The following UVSSA variants were observed in gnomAD, a reference collection of about 807,000 sequenced individuals.
UVSSA encodes the protein UV-stimulated scaffold protein A.
A neutral mutation model predicts 73.9 loss-of-function variants in UVSSA; 72 were observed. That is an observed-to-expected ratio of 0.97 (90% confidence interval 0.81 to 1.19). UVSSA has a LOEUF of 1.19. UVSSA is among the 50% of genes most tolerant of loss of function. The probability of loss-of-function intolerance (pLI) is 0.00; values close to 1 mark genes in which losing one functional copy is unlikely to be tolerated. For missense variants in UVSSA, 1,150 were observed against 965.0 expected, an observed-to-expected ratio of 1.19 and a Z score of -2.54; for synonymous variants, 454 against 391.3, an observed-to-expected ratio of 1.16 and a Z score of -1.89.
chr4:1,355,493 G>C (rs980762346), intron 7 of UVSSA, among the ~76,000 whole-genome samples: 1 of 152,242 alleles, frequency 6.6e-6, no homozygotes, highest in Non-Finnish European at 1.5e-5. Flanking sequence ...CTGAGCAGAA[G>C]TGCTGAGTGC....
Position 1,351,796 on chromosome 4 carries a change from T to G in UVSSA, c.511T>G (p.Tyr171Asp). The change falls in exon 4 of 14, where the codon TAT becomes GAT. Residue 171 changes from tyrosine (Y) to aspartate (D), a missense_variant. By Grantham distance (160) the Tyr-to-Asp change is radical (BLOSUM62 -3). Transcript: ENST00000389851. The stretch of plus-strand genomic sequence containing the variant: ...GAAGCAGAAGCACTTGGATAAAATT[T>G]ATCAAGAAAGAGCCAGCCAGGCGGA... ...EEKQKHLDKI[Y>D]QERASQAERE... 1.2e-6 allele frequency: 2 copies of G among 1,613,664 alleles called. No individual in the cohort carries two copies. The highest frequency in any genetic ancestry group is 1.7e-6 in the Non-Finnish European group (2 of 1,179,856).
upstream of UVSSA, among the ~76,000 whole-genome samples, chr4:1,342,983 C>T (rs1049163221): frequency 3.3e-5 from 5 of 152,062 alleles, no homozygotes; most frequent in Non-Finnish European, 7.4e-5. Context: ...TGCATTTCCA[C>T]GCACGTTGTA....
chr4:1,355,545 C>T (rs543217553), intron 7 of UVSSA, among the ~76,000 whole-genome samples: 1 of 152,216 alleles, frequency 6.6e-6, no homozygotes, highest in South Asian at 2.1e-4. Context: ...CTGTCCCCCC[C>T]GTGACTCCTT....
chr4:1,379,689 C>T (rs899079549), intron 10 of UVSSA, among the ~76,000 whole-genome samples: 4 of 152,226 alleles, frequency 2.6e-5, no homozygotes, highest in African/African-American at 2.4e-5. Context: ...CAGCAGCTGT[C>T]GCCCTTGTCC....
chr4:1,381,082 C>T (rs972820001), intron 12 of UVSSA, 94 bp downstream of exon 12: 122 of 1,176,258 alleles, frequency 1.0e-4, no homozygotes, highest in Non-Finnish European at 1.3e-4. Context: ...ACAGAGCACC[C>T]GCTCTGCCAG....
At position 1,347,673 on chromosome 4, in the gene UVSSA, C is replaced by A; in HGVS notation, c.-90C>A. ...TGCCTCCGTTAGGGCCGCCCCTGCT[C>A]TCCGGACGCGACTTTTCATTGGTCT... is the stretch of plus-strand genomic sequence containing the variant. On this transcript the variant is annotated 5_prime_UTR_variant, in exon 1 of 14. Coordinates refer to ENST00000389851, the MANE Select transcript of UVSSA (RefSeq NM_020894.4). The A allele has an allele frequency of 6.0e-6, 1 of 166,120 alleles. No individual in the cohort carries two copies. The highest frequency in any genetic ancestry group is 1.3e-5 in the Non-Finnish European group (1 of 75,898). 10.3% of individuals were successfully genotyped at this position (166,120 alleles called of 1,614,324 possible). A position where few individuals can be genotyped will look rare whatever the true frequency, so the allele number is the denominator to read the frequency against.
intron 7 of UVSSA, among the ~76,000 whole-genome samples, chr4:1,360,607 C>G (rs964688944): frequency 6.6e-6 from 1 of 152,216 alleles, no homozygotes; most frequent in Non-Finnish European, 1.5e-5. Context: ...CGTTCTGGCC[C>G]CTGTGGGCCC....
intron 4 of UVSSA, among the ~76,000 whole-genome samples, chr4:1,352,363 T>C (rs1282561574): frequency 1.3e-5 from 2 of 152,094 alleles, no homozygotes; most frequent in East Asian, 3.9e-4. Context: ...CAGACTGTGG[T>C]CCCAGGTGTG....
chr4:1,352,878 G>A (rs535432541), intron 4 of UVSSA, 152 bp from the exon 5 acceptor site: 14 of 1,088,638 alleles, frequency 1.3e-5, no homozygotes, highest in African/African-American at 1.3e-4. Context: ...CTGGAAGGTC[G>A]AGGCTGGGGT....
intron 8 of UVSSA, among the ~76,000 whole-genome samples, chr4:1,369,357 G>A (rs776801751): frequency 4.6e-5 from 7 of 152,242 alleles, no homozygotes; most frequent in Non-Finnish European, 1.0e-4. Context: ...CACCCCGGGG[G>A]CCCCAGGAGT....
At chr4:1,350,741 G>GA (rs1476843375) in intron 3 of UVSSA, among the ~76,000 whole-genome samples, 12 of 147,196 alleles carry the variant, frequency 8.2e-5, no homozygotes, top group African/African-American at 3.0e-4. Flanking sequence ...TCCAGCCTTG[G>GA]TAACACAGCA....
At chr4:1,380,670 C>G in intron 11 of UVSSA, 1 of 1,536,594 alleles carries the variant, frequency 6.5e-7, no homozygotes, top group African/African-American at 1.4e-5. Context: ...GACCTTCCGG[C>G]TCCAGAGGAG....
chr4:1,342,301 T>C (rs1054259218), upstream of UVSSA, among the ~76,000 whole-genome samples: 1 of 152,226 alleles, frequency 6.6e-6, no homozygotes, highest in African/African-American at 2.4e-5. Flanking sequence ...GGGTGTGCAC[T>C]GGGGCCACAG....
chr4:1,353,584 TC>T (rs1421149788), intron 5 of UVSSA, among the ~76,000 whole-genome samples, 171 bp downstream of exon 5: 3 of 151,732 alleles, frequency 2.0e-5, no homozygotes, highest in Non-Finnish European at 2.9e-5. Flanking sequence ...TGCACTGGGC[TC>T]CCCCCACCCA....
rs574430010 is a variant in UVSSA, at chr4:1,373,954, G to T, written c.1289-1410G>T. 5.9e-5 allele frequency among the ~76,000 whole-genome samples: 9 copies of T among 152,278 alleles called. No individual in the cohort carries two copies. The South Asian group carries it at 1.9e-3, about 32-fold the overall frequency. ...TCCTGGCCTCTCGCTGTGTCTCTAT[G>T]GTGCCCGTAGCTCCTGGGGAGCGTG... On this transcript the variant is annotated intron_variant, in intron 8 of 13. Transcript: ENST00000389851.
chr4:1,360,488 A>G (rs1716468653), intron 7 of UVSSA, among the ~76,000 whole-genome samples: 1 of 152,160 alleles, frequency 6.6e-6, no homozygotes, highest in Non-Finnish European at 1.5e-5. Context: ...GAAGCTGTGT[A>G]GGCCCCGGCC....
intron 12 of UVSSA, among the ~76,000 whole-genome samples, chr4:1,383,354 G>A (rs1459639507): frequency 1.3e-5 from 2 of 152,160 alleles, no homozygotes; most frequent in Non-Finnish European, 2.9e-5. Context: ...AGTGGGGCAC[G>A]GTCCAGCCTG....
intron 8 of UVSSA, chr4:1,375,146 G>T (rs1577359065): frequency 4.5e-6 from 3 of 669,476 alleles, no homozygotes; most frequent in East Asian, 2.8e-5. Flanking sequence ...GGGACTGCCG[G>T]ACCCCCCGAC....
chr4:1,375,414 AGGACGAGGAT>A lies in UVSSA; in HGVS notation c.1349_1358del (p.Met450ArgfsTer131). On this transcript the variant is annotated frameshift_variant, in exon 9 of 14. Coordinates refer to ENST00000389851, the MANE Select transcript of UVSSA (RefSeq NM_020894.4). LOFTEE classifies it high-confidence loss of function. ...CACAGTTGTGCGGTGCTTGCGGACGAGGACGAGGATGGACGAGGAGGTGTCGGACCCCACC... is the reference window on the plus strand; with the variant it reads ...CACAGTTGTGCGGTGCTTGCGGACGAGGACGAGGAGGTGTCGGACCCCACC... The A allele has an allele frequency of 6.2e-7, 1 of 1,613,552 alleles. No individual in the cohort carries two copies. Among genetic ancestry groups the A allele is most frequent in the Non-Finnish European group, 8.5e-7 (1 of 1,180,010 alleles).
Sources: allele counts gnomAD v4.1 joint callset (sites outside exome capture counted in the v4.1 genomes callset), GRCh38; gene constraint gnomAD v4.1.1; transcripts MANE v1.5; gene names NCBI Gene and HGNC (gene_info 2026-07-23, HGNC 2026-07-21).